PHKB: variants seen among roughly 807,000 people sequenced by gnomAD.
PHKB encodes phosphorylase b kinase regulatory subunit beta.
PHKB carries 122 observed loss-of-function variants against 152.1 expected under a neutral mutation model. That is an observed-to-expected ratio of 0.80 (90% CI 0.69 to 0.93). PHKB has a LOEUF of 0.93. Among genes scored for constraint, PHKB ranks in the 40% least tolerant of loss-of-function variants. The pLI is 0.00. For missense variants in PHKB, 1,304 were observed against 1,328.4 expected, an observed-to-expected ratio of 0.98 and a Z score of 0.29; for synonymous variants, 436 against 464.9, an observed-to-expected ratio of 0.94 and a Z score of 0.80.
intron 8 of PHKB, among the ~76,000 whole-genome samples, chr16:47,581,576 T>C (rs1357107332): frequency 6.6e-6 from 1 of 152,196 alleles, no homozygotes; most frequent in Non-Finnish European, 1.5e-5. Context: ...ATAATGATAA[T>C]AGGACCTAAC....
intron 14 of PHKB, among the ~76,000 whole-genome samples, chr16:47,616,863 G>A (rs1972528641): frequency 6.6e-6 from 1 of 151,526 alleles, no homozygotes; most frequent in Non-Finnish European, 1.5e-5. Flanking sequence ...CAGCAAGCCA[G>A]TCATAAGATT....
chr16:47,462,876 A>G (rs922109870), intron 1 of PHKB: 2 of 152,142 alleles, frequency 1.3e-5, no homozygotes, highest in Non-Finnish European at 2.9e-5. Context: ...ACCATCTATG[A>G]AGTATGAGAT....
chr16:47,663,916 A>C, intron 24 of PHKB, 182 bp downstream of exon 24: 1 of 630,784 alleles, frequency 1.6e-6, no homozygotes, highest in Non-Finnish European at 2.8e-6. Context: ...TGCCTCCACC[A>C]AAATTCTGAG....
chr16:47,579,765 T>G (rs916597810), intron 7 of PHKB, among the ~76,000 whole-genome samples: 1 of 152,058 alleles, frequency 6.6e-6, no homozygotes, highest in Admixed American at 6.6e-5. Context: ...AAATAAGAGA[T>G]AAGGTGATCA....
intron 26 of PHKB, chr16:47,676,121 G>A (rs1973728418): frequency 6.6e-6 from 1 of 152,094 alleles, no homozygotes; most frequent in Non-Finnish European, 1.5e-5. Context: ...TTAGTCCCTG[G>A]AAGGTTTTTA....
intron 27 of PHKB, among the ~76,000 whole-genome samples, chr16:47,692,629 T>G (rs1974081409): frequency 6.6e-6 from 1 of 151,616 alleles, no homozygotes; most frequent in East Asian, 1.9e-4. Flanking sequence ...AATAAATAAA[T>G]AAATAAATAA....
intron 6 of PHKB, among the ~76,000 whole-genome samples, chr16:47,538,585 G>T (rs1179645695): frequency 6.6e-6 from 1 of 152,244 alleles, no homozygotes; most frequent in Admixed American, 6.5e-5. Flanking sequence ...AAATGTCTCT[G>T]TTGGGGAGGA....
At chr16:47,561,041 A>T (rs915356167) in intron 7 of PHKB, among the ~76,000 whole-genome samples, 1 of 152,198 alleles carries the variant, frequency 6.6e-6, no homozygotes, top group Non-Finnish European at 1.5e-5. Flanking sequence ...TGGTTGTCTT[A>T]GTTTAAGGTG....
At chr16:47,462,831 G>C (rs1293434877) in intron 1 of PHKB, 1 of 147,946 alleles carries the variant, frequency 6.8e-6, no homozygotes, top group Non-Finnish European at 1.5e-5. Context: ...CTTACAAAAA[G>C]TTCAGCTTTA....
intron 1 of PHKB, chr16:47,463,971 G>A (rs771634122): frequency 9.3e-6 from 15 of 1,613,236 alleles, no homozygotes; most frequent in East Asian, 2.2e-5. Context: ...TCGTCTCTCC[G>A]TCTTCCGCTT....
At chr16:47,657,625 T>A (rs902291781) in intron 20 of PHKB, among the ~76,000 whole-genome samples, 20 of 152,190 alleles carry the variant, frequency 1.3e-4, no homozygotes, top group African/African-American at 4.3e-4. Context: ...ATTTTTTTTT[T>A]AATCAAAAGC....
chr16:47,531,822 A>G (rs1970866175), intron 6 of PHKB, among the ~76,000 whole-genome samples: 1 of 152,208 alleles, frequency 6.6e-6, no homozygotes, highest in African/African-American at 2.4e-5. Context: ...TTGGAGAGGA[A>G]ATTTTAGGAG....
chr16:47,481,847 G>T (rs1013842029), intron 1 of PHKB, among the ~76,000 whole-genome samples: 1 of 152,154 alleles, frequency 6.6e-6, no homozygotes, highest in Non-Finnish European at 1.5e-5. Flanking sequence ...TTGCAGCCCA[G>T]TTCTTCCTGT....
Position 47,700,437 on chromosome 16 carries a change from G to T in PHKB, c.*1071G>T, listed in dbSNP as rs188886088. ...TCTACTAGTAAAAACAACATTAAGGGTCATTAAATTTTATTTCTGAATTAA... is the reference window on the plus strand; with the variant it reads ...TCTACTAGTAAAAACAACATTAAGGTTCATTAAATTTTATTTCTGAATTAA... On this transcript the variant is annotated 3_prime_UTR_variant, in exon 31 of 31. Transcript: ENST00000323584. 16 of 151,922 alleles carry T rather than the reference G, an allele frequency of 1.1e-4. No individual in the cohort carries two copies. Among genetic ancestry groups the T allele is most frequent in the Admixed American group, 6.6e-4 (10 of 15,246 alleles). The allele number at this position is 151,922 out of a possible 1,614,324, so 9.4% of individuals were successfully genotyped here.
intron 6 of PHKB, among the ~76,000 whole-genome samples, chr16:47,519,809 T>C (rs1456711838): frequency 1.3e-5 from 2 of 152,200 alleles, no homozygotes; most frequent in Non-Finnish European, 1.5e-5. Flanking sequence ...CAGTAGTTTT[T>C]AGTTGAACTT....
At chr16:47,621,340 A>G (rs1972613341) in intron 14 of PHKB, among the ~76,000 whole-genome samples, 1 of 151,988 alleles carries the variant, frequency 6.6e-6, no homozygotes, top group East Asian at 1.9e-4. Flanking sequence ...AAGGTTATAA[A>G]CCCCTCCTAA....
intron 24 of PHKB, chr16:47,664,050 G>C: frequency 2.9e-6 from 1 of 342,632 alleles, no homozygotes; most frequent in South Asian, 4.0e-5. Flanking sequence ...TTTAATTTAG[G>C]AAACCTGTTC....
intron 6 of PHKB, among the ~76,000 whole-genome samples, chr16:47,533,958 C>T (rs150687257): frequency 1.9e-3 from 289 of 152,268 alleles, no homozygotes; most frequent in South Asian, 3.1e-3. Context: ...ACAACTTGGG[C>T]GGCTGCAGCT....
intron 1 of PHKB, among the ~76,000 whole-genome samples, chr16:47,490,880 C>A (rs1970138745): frequency 6.6e-6 from 1 of 152,258 alleles, no homozygotes. Flanking sequence ...ACACAGAAAG[C>A]CTCTTCTGCA....
Sources: allele counts gnomAD v4.1 joint callset (sites outside exome capture counted in the v4.1 genomes callset), GRCh38; gene constraint gnomAD v4.1.1; transcripts MANE v1.5; gene names NCBI Gene and HGNC (gene_info 2026-07-23, HGNC 2026-07-21).